Variants in CDCP2 observed in about 807,000 individuals in gnomAD.
The protein encoded by CDCP2 is CUB domain containing protein 2, also known as CUB domain-containing protein 2.
In CDCP2, 31 loss-of-function variants were observed where a neutral mutation model predicts 31.0. The ratio of observed to expected loss-of-function variants is 1.00; its 90% CI spans 0.75 to 1.35. CDCP2 has a LOEUF of 1.35. Ranked by LOEUF, CDCP2 falls within the 40% of genes most tolerant of loss-of-function variation. The probability of loss-of-function intolerance (pLI) is 0.00; values close to 1 mark genes in which losing one functional copy is unlikely to be tolerated. For synonymous variants in CDCP2, 206 were observed against 207.9 expected, an observed-to-expected ratio of 0.99 and a Z score of 0.08; for missense variants, 443 against 482.6, an observed-to-expected ratio of 0.92 and a Z score of 0.77.
chr1:54,133,214 G>A (rs1011832341), exon 6 of CDCP2: 3 of 399,004 alleles, frequency 7.5e-6, no homozygotes, highest in East Asian at 7.1e-5. Flanking sequence ...AGCGGACCTC[G>A]TACTCATGGA....
exon 6 of CDCP2, chr1:54,133,048 T>C: frequency 5.0e-6 from 2 of 399,090 alleles, no homozygotes; most frequent in Non-Finnish European, 8.8e-6. Flanking sequence ...ACGATGTCAC[T>C]GGTATCCTGG....
intron 1 of CDCP2, among the ~76,000 whole-genome samples, chr1:54,145,937 A>G (rs1011290639): frequency 6.6e-6 from 1 of 152,236 alleles, no homozygotes; most frequent in African/African-American, 2.4e-5. Flanking sequence ...ACTTGGAGAC[A>G]CAGTCACATG....
At chr1:54,132,794 C>T (rs1659188106), downstream of CDCP2, 1 of 397,204 alleles carries the variant, frequency 2.5e-6, no homozygotes, top group Non-Finnish European at 4.4e-6. Context: ...CTCTGAGCCT[C>T]ATGCCAGCCC....
At position 54,144,626 on chromosome 1, in the gene CDCP2, CT is replaced by C. The variant is rs770667140; in HGVS notation, c.266del (p.Glu89GlyfsTer61). ...TGTCTGGTGAGGCCCCATTGTAGAT[CT>C]CCAGAAAGTCGAAGCTGCAGGTGTC... On this transcript the variant is annotated frameshift_variant, in exon 2 of 6. Transcript: ENST00000530059. LOFTEE classifies it high-confidence loss of function. The C allele has an allele frequency of 2.5e-6, 4 of 1,614,100 alleles. No homozygotes were observed. The highest frequency in any genetic ancestry group is 3.4e-6 in the Non-Finnish European group (4 of 1,180,040).
chr1:54,139,782 C>G (rs759128689), exon 4 of CDCP2: 2 of 1,614,044 alleles, frequency 1.2e-6, no homozygotes, highest in African/African-American at 2.7e-5. Flanking sequence ...GAAGCCCCTG[C>G]GGGTGGTGCT....
intron 1 of CDCP2, among the ~76,000 whole-genome samples, chr1:54,146,261 C>T (rs1029063327): frequency 6.7e-6 from 1 of 149,028 alleles, no homozygotes; most frequent in Admixed American, 6.6e-5. Context: ...CTCACTGCAA[C>T]CTCTGCCTTC....
chr1:54,139,397 G>A (rs1052093609), intron 4 of CDCP2: 2 of 746,326 alleles, frequency 2.7e-6, no homozygotes, highest in East Asian at 5.4e-5. Context: ...CAATTTTTTT[G>A]CCATAAACAA....
In CDCP2 at chr1:54,136,186, G is replaced by A. The variant is rs536304474; in HGVS notation, c.1296+444C>T. 3.3e-5 allele frequency among the ~76,000 whole-genome samples: 5 copies of A among 152,302 alleles called. No individual in the cohort carries two copies. The East Asian group carries it at 9.7e-4, about 29-fold the overall frequency. On this transcript the variant is annotated intron_variant, in intron 5 of 5. Coordinates refer to ENST00000530059, the Ensembl canonical transcript of CDCP2. ...GGTTGGGGATGGGTGGGAGAAGCAG[G>A]GCTCCCACACAGCTCTGCATACTAA...
At chr1:54,149,984 C>T (rs1659549452) in intron 1 of CDCP2, among the ~76,000 whole-genome samples, 1 of 152,240 alleles carries the variant, frequency 6.6e-6, no homozygotes, top group African/African-American at 2.4e-5. Flanking sequence ...ATACCACTTC[C>T]TTTGCCTCTT....
At chr1:54,152,259 T>A (rs1308315724) in intron 1 of CDCP2, among the ~76,000 whole-genome samples, 2 of 151,992 alleles carry the variant, frequency 1.3e-5, no homozygotes, top group African/African-American at 4.8e-5. Flanking sequence ...AGGTTAGGAG[T>A]TCGAGACCAG....
chr1:54,146,736 T>C (rs898867528), intron 1 of CDCP2, among the ~76,000 whole-genome samples: 6 of 151,792 alleles, frequency 4.0e-5, no homozygotes, highest in Admixed American at 3.9e-4. Flanking sequence ...CAAAATATAC[T>C]TGGTTATCTT....
intron 1 of CDCP2, among the ~76,000 whole-genome samples, chr1:54,149,353 G>A (rs1659536198): frequency 6.6e-6 from 1 of 151,810 alleles, no homozygotes; most frequent in Non-Finnish European, 1.5e-5. Context: ...AAATAATATG[G>A]CATCTGAGAT....
At chr1:54,140,866 TATATA>T in intron 3 of CDCP2, 1 of 414,004 alleles carries the variant, frequency 2.4e-6, no homozygotes, top group Non-Finnish European at 4.3e-6. Context: ...GTAAAAAACT[TATATA>T]AGGAGTTGAA....
Position 54,152,829 on chromosome 1 carries a change from C to A in CDCP2, c.79+15G>T. ...CCTTCCCCTCTCAGTTCATGTCTGT[C>A]CCAAGAGTGCCTACCTTCCATGGCT... On this transcript the variant is annotated intron_variant, in intron 1 of 5. Transcript: ENST00000530059. 1 of 1,613,358 alleles carries A rather than the reference C, an allele frequency of 6.2e-7. No homozygotes were observed.
rs1367813358 is a variant in CDCP2 at position 54,141,392 on chromosome 1, T to G, written c.469A>C (p.Thr157Pro). 3 of 1,613,334 alleles carry G rather than the reference T, an allele frequency of 1.9e-6. No individual in the cohort carries two copies. The Admixed American group carries it at 5.0e-5, about 27-fold the overall frequency. ...TAGTTGTTGGGATACTCAGGACTGG[T>G]GAGGACCCCTGACAGGCCAGTCAGG... The change falls in exon 3 of 6, where the codon ACC (threonine) becomes CCC (proline). Residue 157 changes from threonine (T) to proline (P), a missense_variant. Physicochemically the swap from Thr to Pro is conservative, Grantham distance 38. Transcript: ENST00000530059.
chr1:54,140,219 G>T, intron 3 of CDCP2, 113 bp from the exon 4 acceptor site: 1 of 898,660 alleles, frequency 1.1e-6, no homozygotes, highest in East Asian at 2.6e-5. Flanking sequence ...ACCACCAGCA[G>T]GTTGTGGGCA....
exon 4 of CDCP2, chr1:54,139,814 C>T: frequency 1.9e-6 from 3 of 1,614,196 alleles, no homozygotes; most frequent in Non-Finnish European, 2.5e-6. Context: ...GCAGCAGAAG[C>T]AGAAGCTGGT....
intron 4 of CDCP2, chr1:54,139,168 G>A (rs975521963): frequency 5.2e-5 from 12 of 230,258 alleles, no homozygotes; most frequent in Non-Finnish European, 8.5e-6. Context: ...CTCCAGTCTT[G>A]AACATGGATG....
At chr1:54,139,496 G>A (rs776845542) in intron 4 of CDCP2, 4 of 1,587,134 alleles carry the variant, frequency 2.5e-6, no homozygotes, top group Non-Finnish European at 2.6e-6. Context: ...GGAACCAGAT[G>A]GGGAGGGGTG....
Sources: allele counts gnomAD v4.1 joint callset (sites outside exome capture counted in the v4.1 genomes callset), GRCh38; gene constraint gnomAD v4.1.1; transcripts MANE v1.5; gene names NCBI Gene and HGNC (gene_info 2026-07-23, HGNC 2026-07-21).